SPECC1: variants seen among roughly 807,000 people sequenced by gnomAD.
SPECC1 encodes the protein sperm antigen with calponin homology and coiled-coil domains 1.
In SPECC1, 62 loss-of-function variants were observed where a neutral mutation model predicts 104.1. The ratio of observed to expected loss-of-function variants is 0.60; its 90% CI spans 0.49 to 0.74. The LOEUF is 0.74. Ranked by LOEUF, SPECC1 falls within the 30% of genes least tolerant of loss-of-function variation. The pLI is 0.00. For missense variants in SPECC1, 1,306 were observed against 1,310.5 expected, an observed-to-expected ratio of 1.00 and a Z score of 0.05; for synonymous variants, 513 against 501.6, an observed-to-expected ratio of 1.02 and a Z score of -0.30.
chr17:20,180,255 A>G (rs1157886313), intron 3 of SPECC1, among the ~76,000 whole-genome samples: 1 of 152,232 alleles, frequency 6.6e-6, no homozygotes, highest in Admixed American at 6.5e-5. Context: ...AGTAAACAAA[A>G]TCAAGTGGAA....
chr17:20,260,921 TA>T (rs1417344322), intron 12 of SPECC1, among the ~76,000 whole-genome samples: 1 of 152,160 alleles, frequency 6.6e-6, no homozygotes, highest in Admixed American at 6.5e-5. Flanking sequence ...AGCAAGGCTG[TA>T]AATCAGTTGT....
intron 3 of SPECC1, among the ~76,000 whole-genome samples, chr17:20,157,087 TTGAG>T (rs1247189033): frequency 6.6e-6 from 1 of 150,774 alleles, no homozygotes; most frequent in African/African-American, 2.4e-5. Context: ...AATGAGGACT[TTGAG>T]GCTCTGAGAG....
At chr17:20,018,794 C>G (rs1052638068) in intron 1 of SPECC1, among the ~76,000 whole-genome samples, 1 of 152,206 alleles carries the variant, frequency 6.6e-6, no homozygotes, top group Non-Finnish European at 1.5e-5. Flanking sequence ...TGCTTAACTC[C>G]CCGAGGAAGG....
intron 4 of SPECC1, among the ~76,000 whole-genome samples, chr17:20,216,950 G>A (rs1036308054): frequency 6.6e-6 from 1 of 151,796 alleles, no homozygotes; most frequent in Non-Finnish European, 1.5e-5. Flanking sequence ...CTTGAGCCCC[G>A]GAGTTCAGCC....
chr17:20,203,945 T>A (rs2036597949), intron 3 of SPECC1, among the ~76,000 whole-genome samples: 1 of 152,224 alleles, frequency 6.6e-6, no homozygotes, highest in Non-Finnish European at 1.5e-5. Context: ...CCCACCTTCC[T>A]CTTGAAAGGG....
intron 3 of SPECC1, among the ~76,000 whole-genome samples, chr17:20,116,351 G>A (rs2048755771): frequency 6.6e-6 from 1 of 152,142 alleles, no homozygotes; most frequent in Non-Finnish European, 1.5e-5. Context: ...GCCTCCCAAA[G>A]TGCTGGAATT....
At chr17:20,282,431 G>C (rs2040805160) in intron 12 of SPECC1, among the ~76,000 whole-genome samples, 1 of 152,246 alleles carries the variant, frequency 6.6e-6, no homozygotes, top group African/African-American at 2.4e-5. Flanking sequence ...GGATAAAAGA[G>C]TGGGAGGAAC....
intron 13 of SPECC1, among the ~76,000 whole-genome samples, chr17:20,300,968 T>C (rs916818802): frequency 4.6e-5 from 7 of 152,194 alleles, no homozygotes; most frequent in South Asian, 2.1e-4. Context: ...TTTTATTTGC[T>C]AATTACAGCC....
chr17:20,156,250 G>A, intron 3 of SPECC1: 2 of 1,346,368 alleles, frequency 1.5e-6, no homozygotes, highest in African/African-American at 1.6e-5. Flanking sequence ...TGTGCGGCTG[G>A]CGGGGGTCGC....
At chr17:20,298,940 A>T (rs1368401734) in intron 13 of SPECC1, among the ~76,000 whole-genome samples, 21 of 48,340 alleles carry the variant, frequency 4.3e-4, no homozygotes, top group East Asian at 0.033. Context: ...AGAGAGAGAG[A>T]GAGAGAGAGT....
intron 3 of SPECC1, chr17:20,156,138 G>C (rs2032476798): frequency 1.4e-6 from 2 of 1,399,460 alleles, no homozygotes; most frequent in Non-Finnish European, 1.9e-6. Flanking sequence ...GCGCGAGCTC[G>C]GCACGGTGGA....
chr17:20,049,791 T>G (rs1174002233), intron 1 of SPECC1, among the ~76,000 whole-genome samples: 3 of 151,978 alleles, frequency 2.0e-5, no homozygotes, highest in Non-Finnish European at 4.4e-5. Flanking sequence ...TTATACTATT[T>G]TCATTTTTTT....
chr17:20,010,226 A>C (rs1442468422), intron 1 of SPECC1: 2 of 143,406 alleles, frequency 1.4e-5, no homozygotes, highest in African/African-American at 2.6e-5. Context: ...ACGTAAGTTT[A>C]TGTAATAAGC....
intron 1 of SPECC1, among the ~76,000 whole-genome samples, chr17:20,011,130 G>T (rs1384468857): frequency 1.3e-5 from 2 of 152,118 alleles, no homozygotes; most frequent in Non-Finnish European, 2.9e-5. Flanking sequence ...TCATAACAAG[G>T]ATCAGGCTGT....
chr17:20,157,645 A>C (rs1388956146), intron 3 of SPECC1, among the ~76,000 whole-genome samples: 2 of 152,178 alleles, frequency 1.3e-5, no homozygotes, highest in African/African-American at 4.8e-5. Flanking sequence ...TACTCTTGTT[A>C]CAGCTTTTAA....
intron 2 of SPECC1, among the ~76,000 whole-genome samples, chr17:20,103,977 A>G (rs1291212211): frequency 6.6e-6 from 1 of 152,224 alleles, no homozygotes; most frequent in Non-Finnish European, 1.5e-5. Flanking sequence ...CATTGTTCAC[A>G]TTCTTTTCCG....
intron 1 of SPECC1, among the ~76,000 whole-genome samples, chr17:20,052,628 T>C (rs1165363197): frequency 6.6e-6 from 1 of 152,230 alleles, no homozygotes; most frequent in Non-Finnish European, 1.5e-5. Context: ...TCAGGGTCAC[T>C]GATGGAGATT....
chr17:20,062,547 T>A lies in SPECC1; in HGVS notation c.-21-34084T>A, dbSNP rs570549053. ...CTGGCTAATTTTTAAAAACTTTTTT[T>A]AGAGATGGGGCCTTGCTATGATGCC... On this transcript the variant is annotated intron_variant, in intron 1 of 14. Coordinates refer to ENST00000395527, the MANE Select transcript of SPECC1 (RefSeq NM_001243439.2). 4.6e-5 allele frequency among the ~76,000 whole-genome samples: 7 copies of A among 152,098 alleles called. No individual in the cohort carries two copies. The East Asian group carries it at 1.4e-3, about 29-fold the overall frequency.
intron 3 of SPECC1, among the ~76,000 whole-genome samples, chr17:20,121,398 G>A (rs1182263405): frequency 6.6e-6 from 1 of 151,702 alleles, no homozygotes; most frequent in Non-Finnish European, 1.5e-5. Context: ...TATAGACGGA[G>A]TTTTGCTCTG....
Sources: allele counts gnomAD v4.1 joint callset (sites outside exome capture counted in the v4.1 genomes callset), GRCh38; gene constraint gnomAD v4.1.1; transcripts MANE v1.5; gene names NCBI Gene and HGNC (gene_info 2026-07-23, HGNC 2026-07-21).